The following ZNF609 variants were observed in gnomAD, a reference collection of about 807,000 sequenced individuals.
ZNF609 encodes the protein zinc finger protein 609.
ZNF609 carries 11 observed loss-of-function variants against 109.5 expected under a neutral mutation model. The observed-to-expected ratio is 0.10, with a 90% CI of 0.06 to 0.17. The LOEUF is 0.17. Ranked by LOEUF, ZNF609 falls within the 10% of genes least tolerant of loss-of-function variation. ZNF609 has a pLI of 1.00. For synonymous variants in ZNF609, 646 were observed against 662.0 expected (o/e 0.98, Z 0.37); for missense variants, 1,559 against 1,772.4 (o/e 0.88, Z 2.16).
intron 1 of ZNF609, among the ~76,000 whole-genome samples, chr15:64,464,990 A>G (rs1342549181): frequency 1.3e-5 from 2 of 152,176 alleles, no homozygotes; most frequent in African/African-American, 4.8e-5. Context: ...TAGAATAGAG[A>G]AAGAGATTCT....
intron 2 of ZNF609, among the ~76,000 whole-genome samples, chr15:64,585,154 G>A (rs1895175419): frequency 6.6e-6 from 1 of 151,654 alleles, no homozygotes; most frequent in Non-Finnish European, 1.5e-5. Context: ...GCAAAAACTT[G>A]TCTCTACTAA....
intron 2 of ZNF609, among the ~76,000 whole-genome samples, chr15:64,535,467 C>G (rs932903248): frequency 2.0e-5 from 3 of 152,088 alleles, no homozygotes; most frequent in African/African-American, 7.2e-5. Flanking sequence ...CTTTTTGTTG[C>G]TGAACGGTAG....
At chr15:64,614,810 CTTTTT>C (rs71133459) in intron 2 of ZNF609, among the ~76,000 whole-genome samples, 3 of 34,370 alleles carry the variant, frequency 8.7e-5, no homozygotes, top group South Asian at 3.6e-3. Context: ...TAACATCTCG[CTTTTT>C]TTTTTTTTTT....
At chr15:64,614,901 C>T (rs1895775572) in intron 2 of ZNF609, among the ~76,000 whole-genome samples, 1 of 148,222 alleles carries the variant, frequency 6.7e-6, no homozygotes, top group Non-Finnish European at 1.5e-5. Context: ...TCACTGCAAC[C>T]TCTGCCTCCC....
At chr15:64,529,466 T>C in intron 2 of ZNF609, 1 of 1,023,882 alleles carries the variant, frequency 9.8e-7, no homozygotes, top group South Asian at 1.3e-5. Flanking sequence ...TTTCCATTGA[T>C]GACAAGCGTC....
chr15:64,515,934 G>A (rs1206123575), intron 2 of ZNF609, among the ~76,000 whole-genome samples: 45 of 139,760 alleles, frequency 3.2e-4, no homozygotes, highest in Non-Finnish European at 6.1e-4. Context: ...GCGAAACTCC[G>A]TCTCAAAAAA....
At chr15:64,616,514 C>CTTTTTTT (rs56145140) in intron 2 of ZNF609, among the ~76,000 whole-genome samples, 7 of 66,950 alleles carry the variant, frequency 1.0e-4, no homozygotes, top group East Asian at 5.6e-4. Context: ...AAACTGATAT[C>CTTTTTTT]TTTTTTTTTT....
At chr15:64,489,550 G>C (rs546878512) in intron 1 of ZNF609, among the ~76,000 whole-genome samples, 23 of 109,000 alleles carry the variant, frequency 2.1e-4, no homozygotes, top group African/African-American at 8.1e-4. Flanking sequence ...TTTTTTTTTA[G>C]ACGGAGTCTC....
In ZNF609 at chr15:64,685,954, C is replaced by A. The variant is rs984278987; in HGVS notation, c.*4268C>A. The A allele has an allele frequency of 6.6e-6, 1 of 152,212 alleles. No individual in the cohort carries two copies. Among genetic ancestry groups the A allele is most frequent in the Admixed American group, 6.5e-5 (1 of 15,276 alleles). The allele number at this position is 152,212 out of a possible 1,614,324, so 9.4% of individuals were successfully genotyped here. The stretch of plus-strand genomic sequence containing the variant: ...TCTTTTCCTCTACCTTCCTCATCCC[C>A]ACTTTTTTCCCTTTCTCTCTACTTC... On this transcript the variant is annotated 3_prime_UTR_variant, in exon 10 of 10. Transcript: ENST00000326648.
chr15:64,594,736 ATG>A (rs375879749), intron 2 of ZNF609, among the ~76,000 whole-genome samples: 16 of 151,114 alleles, frequency 1.1e-4, no homozygotes, highest in African/African-American at 3.9e-4. Flanking sequence ...TTAGAAAAGA[ATG>A]TGTCTCGGCC....
chr15:64,654,469 T>A (rs1162030871), intron 3 of ZNF609: 1 of 152,090 alleles, frequency 6.6e-6, no homozygotes, highest in Non-Finnish European at 1.5e-5. Context: ...TTATATATAT[T>A]TTTTCTTTTT....
chr15:64,482,701 TACA>T (rs1176854193), intron 1 of ZNF609, among the ~76,000 whole-genome samples: 4 of 152,198 alleles, frequency 2.6e-5, no homozygotes, highest in African/African-American at 9.7e-5. Context: ...TGGGTTAGTT[TACA>T]TAAGGAAAAA....
intron 2 of ZNF609, among the ~76,000 whole-genome samples, chr15:64,579,422 A>G (rs1391385551): frequency 6.6e-6 from 1 of 151,704 alleles, no homozygotes; most frequent in African/African-American, 2.4e-5. Context: ...AAAAAAAAAA[A>G]AAAAAAGTAG....
At chr15:64,627,958 C>G (rs1296280484) in intron 3 of ZNF609, among the ~76,000 whole-genome samples, 1 of 151,156 alleles carries the variant, frequency 6.6e-6, no homozygotes, top group Non-Finnish European at 1.5e-5. Context: ...CCATGCCCAG[C>G]CTATCAGCTC....
At chr15:64,669,238 G>A (rs894646659) in intron 3 of ZNF609, among the ~76,000 whole-genome samples, 4 of 152,172 alleles carry the variant, frequency 2.6e-5, no homozygotes, top group African/African-American at 7.2e-5. Context: ...AGACATATTT[G>A]TGTAGGTAAA....
chr15:64,657,944 T>G (rs1423677934), intron 3 of ZNF609, among the ~76,000 whole-genome samples: 3 of 152,040 alleles, frequency 2.0e-5, no homozygotes, highest in Admixed American at 6.6e-5. Context: ...ATCAGTTGCC[T>G]CTCCTCAGGA....
intron 3 of ZNF609, 91 bp from the exon 4 acceptor site, chr15:64,670,255 T>G: frequency 1.9e-6 from 2 of 1,060,812 alleles, no homozygotes; most frequent in South Asian, 1.3e-5. Context: ...CTAAACCCTC[T>G]TATAGAAGTC....
chr15:64,523,859 T>C (rs1893928544), intron 2 of ZNF609, among the ~76,000 whole-genome samples: 1 of 152,092 alleles, frequency 6.6e-6, no homozygotes, highest in South Asian at 2.1e-4. Context: ...AAGCTCTGGG[T>C]AGAATTTCAA....
intron 1 of ZNF609, among the ~76,000 whole-genome samples, chr15:64,474,625 T>G (rs1238722357): frequency 1.3e-5 from 2 of 152,192 alleles, no homozygotes; most frequent in African/African-American, 4.8e-5. Flanking sequence ...TAATTTTTAT[T>G]TACTCATTTA....
Sources: allele counts gnomAD v4.1 joint callset (sites outside exome capture counted in the v4.1 genomes callset), GRCh38; gene constraint gnomAD v4.1.1; transcripts MANE v1.5; gene names NCBI Gene and HGNC (gene_info 2026-07-23, HGNC 2026-07-21).